The following ITGBL1 variants were observed in gnomAD, a reference collection of about 807,000 sequenced individuals.
ITGBL1 encodes integrin subunit beta like 1.
In ITGBL1, 51 loss-of-function variants were observed where a neutral mutation model predicts 68.5. That is an observed-to-expected ratio of 0.74 (90% CI 0.59 to 0.94). The LOEUF is 0.94. ITGBL1 is among the 40% of genes least tolerant of loss of function. ITGBL1 has a pLI of 0.00. For missense variants in ITGBL1, 649 were observed against 647.4 expected (o/e 1.00, Z -0.03); for synonymous variants, 209 against 227.3 (o/e 0.92, Z 0.72).
At chr13:101,661,485 A>T (rs569445631) in intron 7 of ITGBL1, among the ~76,000 whole-genome samples, 4 of 152,114 alleles carry the variant, frequency 2.6e-5, no homozygotes, top group Non-Finnish European at 5.9e-5. Flanking sequence ...AGCTCCTTTC[A>T]TGTGAGCTTA....
intron 7 of ITGBL1, among the ~76,000 whole-genome samples, chr13:101,659,967 A>G (rs2033039907): frequency 6.6e-6 from 1 of 152,104 alleles, no homozygotes; most frequent in African/African-American, 2.4e-5. Flanking sequence ...CAATAACAGC[A>G]CTACTAACAT....
chr13:101,500,578 A>G (rs1194368632), intron 2 of ITGBL1, among the ~76,000 whole-genome samples: 1 of 152,216 alleles, frequency 6.6e-6, no homozygotes, highest in Non-Finnish European at 1.5e-5. Flanking sequence ...AATTTCTCAG[A>G]AAAAGAAAGA....
chr13:101,641,448 A>G (rs1236090392), intron 7 of ITGBL1, among the ~76,000 whole-genome samples: 3 of 151,544 alleles, frequency 2.0e-5, no homozygotes, highest in Admixed American at 6.6e-5. Context: ...TTGATTGTCT[A>G]TTTATGTCAT....
intron 2 of ITGBL1, among the ~76,000 whole-genome samples, chr13:101,541,789 T>A (rs9585725): frequency 0.42 from 64,351 of 151,980 alleles, 13,823 homozygotes; most frequent in Middle Eastern, 0.54. Context: ...CTTGGGAGGA[T>A]GTATGTGTCG....
chr13:101,479,191 A>C (rs1248800674), intron 2 of ITGBL1, among the ~76,000 whole-genome samples: 1 of 152,096 alleles, frequency 6.6e-6, no homozygotes, highest in Non-Finnish European at 1.5e-5. Context: ...TAAAGGTGCC[A>C]AGAACATACA....
At chr13:101,644,099 T>C (rs2032478796) in intron 7 of ITGBL1, among the ~76,000 whole-genome samples, 1 of 152,194 alleles carries the variant, frequency 6.6e-6, no homozygotes, top group Admixed American at 6.5e-5. Flanking sequence ...CTTTGAAGGA[T>C]GCATGCTTGG....
chr13:101,575,692 G>T, intron 4 of ITGBL1, 146 bp downstream of exon 4: 2 of 811,800 alleles, frequency 2.5e-6, no homozygotes, highest in Non-Finnish European at 3.9e-6. Context: ...TTCACATAAG[G>T]AGAGTGAGAC....
chr13:101,619,722 C>T (rs2031508120), intron 7 of ITGBL1, among the ~76,000 whole-genome samples: 1 of 152,152 alleles, frequency 6.6e-6, no homozygotes, highest in Non-Finnish European at 1.5e-5. Context: ...ACATCAGAAG[C>T]TGTTTCTGAA....
intron 7 of ITGBL1, among the ~76,000 whole-genome samples, chr13:101,649,659 T>C (rs1211466211): frequency 6.6e-6 from 1 of 152,204 alleles, no homozygotes; most frequent in Admixed American, 6.5e-5. Context: ...TCATGATTTC[T>C]CAATTGTATT....
intron 2 of ITGBL1, among the ~76,000 whole-genome samples, chr13:101,474,286 G>A (rs1297237744): frequency 6.6e-6 from 1 of 152,088 alleles, no homozygotes; most frequent in African/African-American, 2.4e-5. Context: ...GTGAACATTG[G>A]TACCAAGCCT....
intron 7 of ITGBL1, among the ~76,000 whole-genome samples, chr13:101,668,085 T>C (rs1340589887): frequency 2.0e-5 from 3 of 152,126 alleles, no homozygotes; most frequent in African/African-American, 7.2e-5. Context: ...TTTACAGTCA[T>C]AAAACTATAA....
chr13:101,621,482 G>T (rs940451518), intron 7 of ITGBL1, among the ~76,000 whole-genome samples: 2 of 151,964 alleles, frequency 1.3e-5, no homozygotes, highest in African/African-American at 4.8e-5. Context: ...AGAAATTCAG[G>T]GTTAGAGCCC....
chr13:101,698,618 G>C (rs2034058370), intron 8 of ITGBL1, among the ~76,000 whole-genome samples: 1 of 152,180 alleles, frequency 6.6e-6, no homozygotes, highest in African/African-American at 2.4e-5. Context: ...TTTATTAAAA[G>C]AAGATGTTAT....
intron 10 of ITGBL1, chr13:101,714,764 T>C: frequency 1.9e-6 from 1 of 540,244 alleles, no homozygotes; most frequent in South Asian, 2.7e-5. Flanking sequence ...TGAAGCTAAA[T>C]TTTGTGATTA....
chr13:101,508,342 C>A (rs1353667514), intron 2 of ITGBL1, among the ~76,000 whole-genome samples: 1 of 152,164 alleles, frequency 6.6e-6, no homozygotes, highest in Non-Finnish European at 1.5e-5. Flanking sequence ...ATAAACACTG[C>A]ATGATGAGCA....
Position 101,606,174 on chromosome 13 carries a change from T to TA in ITGBL1, c.1015+7875_1015+7876insA, listed in dbSNP as rs1555361917. Among the ~76,000 whole-genome samples the TA allele has an allele frequency of 6.8e-3, 938 of 138,042 alleles. 8 individuals carry two copies. The highest frequency in any genetic ancestry group is 0.017 in the South Asian group (76 of 4,408). 90.6% of individuals were successfully genotyped at this position (138,042 alleles called of 152,430 possible). A position where few individuals can be genotyped will look rare whatever the true frequency, so the allele number is the denominator to read the frequency against. On this transcript the variant is annotated intron_variant, in intron 7 of 10. Transcript: ENST00000376180. ...ACTTCAGTATATTCTATTAGGATTT[T>TA]TATATATATATATATATAGCCTTAT...
chr13:101,551,406 A>T (rs528658247), intron 2 of ITGBL1, among the ~76,000 whole-genome samples: 10 of 152,278 alleles, frequency 6.6e-5, no homozygotes, highest in African/African-American at 2.4e-4. Flanking sequence ...AATAGAGAAG[A>T]GAGAGGAATT....
intron 9 of ITGBL1, chr13:101,712,082 G>A (rs952975007): frequency 4.6e-5 from 7 of 152,136 alleles, no homozygotes; most frequent in South Asian, 2.1e-4. Context: ...CAGCTAGAGC[G>A]TTCTACAGGA....
intron 7 of ITGBL1, among the ~76,000 whole-genome samples, chr13:101,673,430 T>C (rs2033424848): frequency 6.6e-6 from 1 of 152,240 alleles, no homozygotes; most frequent in African/African-American, 2.4e-5. Context: ...AGAATTGCTC[T>C]AGATTCTCTA....
Sources: allele counts gnomAD v4.1 joint callset (sites outside exome capture counted in the v4.1 genomes callset), GRCh38; gene constraint gnomAD v4.1.1; transcripts MANE v1.5; gene names NCBI Gene and HGNC (gene_info 2026-07-23, HGNC 2026-07-21).